The following THSD4 variants were observed in gnomAD, a reference collection of about 807,000 sequenced individuals.
THSD4 encodes the protein thrombospondin type-1 domain-containing protein 4.
A neutral mutation model predicts 119.0 loss-of-function variants in THSD4; 69 were observed. The observed-to-expected ratio is 0.58, with a 90% CI of 0.48 to 0.71. THSD4 has a LOEUF of 0.71. Ranked by LOEUF, THSD4 falls within the 30% of genes least tolerant of loss-of-function variation. THSD4 has a pLI of 0.00. For missense variants in THSD4, 1,393 were observed against 1,391.1 expected (o/e 1.00, Z -0.02); for synonymous variants, 524 against 540.4 (o/e 0.97, Z 0.42).
At chr15:71,768,312 A>G (rs527559871) in intron 16 of THSD4, among the ~76,000 whole-genome samples, 2 of 152,092 alleles carry the variant, frequency 1.3e-5, no homozygotes, top group African/African-American at 2.4e-5. Flanking sequence ...GGCCTCTTTT[A>G]GGTCCAACTT....
chr15:71,472,381 A>G (rs1411079338), intron 7 of THSD4, among the ~76,000 whole-genome samples: 1 of 152,198 alleles, frequency 6.6e-6, no homozygotes, highest in Non-Finnish European at 1.5e-5. Context: ...GTTTATCATT[A>G]TTATCATCAA....
intron 7 of THSD4, among the ~76,000 whole-genome samples, chr15:71,548,755 T>A (rs2140854120): frequency 6.6e-6 from 1 of 152,272 alleles, no homozygotes; most frequent in East Asian, 1.9e-4. Flanking sequence ...TCCCTGTTGA[T>A]TTTTTTCGTG....
At chr15:71,564,786 CATATAATACAATATATATTGTATATT>C (rs1567039340) in intron 7 of THSD4, among the ~76,000 whole-genome samples, 2 of 36,500 alleles carry the variant, frequency 5.5e-5, no homozygotes, top group African/African-American at 9.9e-5. Context: ...TATATTATAA[CATATAATACAATATATATTGTATATT>C]ATAACATATA....
intron 8 of THSD4, 70 bp from the exon 9 acceptor site, chr15:71,728,478 TG>T (rs1567122646): frequency 6.4e-7 from 1 of 1,554,742 alleles, no homozygotes; most frequent in Non-Finnish European, 8.8e-7. Context: ...AGCCAGAAAC[TG>T]GGGGAGTCAG....
chr15:71,740,338 T>G (rs370718581), intron 11 of THSD4, among the ~76,000 whole-genome samples: 96 of 152,300 alleles, frequency 6.3e-4, no homozygotes, highest in African/African-American at 2.3e-3. Context: ...GAACCCGAAA[T>G]CAAAATGTAT....
chr15:71,479,154 GCTTTT>G (rs1432045856), intron 7 of THSD4, among the ~76,000 whole-genome samples: 11 of 142,088 alleles, frequency 7.7e-5, no homozygotes, highest in Non-Finnish European at 1.5e-5. Flanking sequence ...TTCACTGGTG[GCTTTT>G]CTTTACTTTC....
chr15:71,134,700 T>C (rs974684213), intron 1 of THSD4, among the ~76,000 whole-genome samples: 7 of 152,246 alleles, frequency 4.6e-5, no homozygotes, highest in Non-Finnish European at 1.0e-4. Context: ...ATCGCCACAC[T>C]GACTTCCACA....
chr15:71,338,549 G>A (rs942469009), intron 6 of THSD4, among the ~76,000 whole-genome samples: 3 of 152,060 alleles, frequency 2.0e-5, no homozygotes, highest in Non-Finnish European at 2.9e-5. Context: ...TCCTTTTATG[G>A]TGTCTTTAGA....
At chr15:71,329,893 C>A (rs1314227693) in intron 6 of THSD4, among the ~76,000 whole-genome samples, 1 of 152,096 alleles carries the variant, frequency 6.6e-6, no homozygotes, top group Non-Finnish European at 1.5e-5. Context: ...CCAGCCTGGG[C>A]AACATGGTGA....
At chr15:71,192,321 C>CA (rs1475220445) in intron 3 of THSD4, among the ~76,000 whole-genome samples, 2 of 152,082 alleles carry the variant, frequency 1.3e-5, no homozygotes, top group African/African-American at 2.4e-5. Flanking sequence ...GAAGCTCTGT[C>CA]ACCCAGGCTG....
At chr15:71,677,141 A>G (rs2051668775) in intron 8 of THSD4, among the ~76,000 whole-genome samples, 1 of 152,212 alleles carries the variant, frequency 6.6e-6, no homozygotes, top group Admixed American at 6.5e-5. Context: ...ATGTGATATA[A>G]TAGGCACCAA....
intron 7 of THSD4, among the ~76,000 whole-genome samples, chr15:71,486,001 C>T (rs376556053): frequency 2.0e-5 from 3 of 152,236 alleles, no homozygotes; most frequent in East Asian, 3.9e-4. Context: ...AAAATAAATG[C>T]TGAACAAATT....
intron 3 of THSD4, among the ~76,000 whole-genome samples, chr15:71,181,728 G>C (rs1384036490): frequency 1.3e-5 from 2 of 152,166 alleles, no homozygotes; most frequent in African/African-American, 4.8e-5. Context: ...ACTCTCTCCT[G>C]TGGAGGAGTC....
rs1300116299 is a variant in THSD4, at chr15:71,324,860, C to G, written c.1015+68145C>G. Among the ~76,000 whole-genome samples the G allele has an allele frequency of 9.9e-5, 15 of 152,114 alleles. 1 individual carries two copies. The highest frequency in any genetic ancestry group is 9.8e-4 in the Admixed American group (15 of 15,268). ...ATTGCTGGATGGAATGGTAGATCTA[C>G]TTTTAGTTATTTAAGAAATCTCCAG... On this transcript the variant is annotated intron_variant, in intron 6 of 17. Transcript: ENST00000261862.
At chr15:71,146,152 A>G (rs1482035524) in intron 2 of THSD4, among the ~76,000 whole-genome samples, 1 of 152,048 alleles carries the variant, frequency 6.6e-6, no homozygotes, top group Non-Finnish European at 1.5e-5. Context: ...CAAACAAATA[A>G]CACACACACA....
intron 4 of THSD4, among the ~76,000 whole-genome samples, chr15:71,235,007 G>T (rs1319937889): frequency 6.6e-6 from 1 of 152,188 alleles, no homozygotes. Flanking sequence ...ACCACCTAGT[G>T]TTGTTTTAAT....
intron 6 of THSD4, among the ~76,000 whole-genome samples, chr15:71,280,612 C>CTCCG (rs1420718041): frequency 2.1e-5 from 3 of 144,974 alleles, no homozygotes; most frequent in Non-Finnish European, 3.0e-5. Flanking sequence ...CCCTCCCTCC[C>CTCCG]TCTCTCTCTC....
intron 3 of THSD4, chr15:71,165,027 C>T: frequency 1.9e-6 from 3 of 1,586,428 alleles, no homozygotes; most frequent in Non-Finnish European, 2.6e-6. Flanking sequence ...TTCCACATCT[C>T]TCCCAGTTTC....
intron 6 of THSD4, among the ~76,000 whole-genome samples, chr15:71,386,838 G>A (rs2046299378): frequency 6.6e-6 from 1 of 152,208 alleles, no homozygotes; most frequent in Admixed American, 6.5e-5. Flanking sequence ...TTTAAATGAT[G>A]AAAGCATTCG....
Sources: gnomAD v4.1 joint callset for allele counts (sites outside exome capture counted in the v4.1 genomes callset) on GRCh38, gnomAD v4.1.1 for gene constraint, MANE v1.5 for transcripts, NCBI Gene and HGNC (gene_info 2026-07-23, HGNC 2026-07-21) for gene names.